The following ATP8A2 variants were observed in gnomAD, a reference collection of about 807,000 sequenced individuals.
ATP8A2 encodes the protein phospholipid-transporting ATPase IB.
In ATP8A2, 100 loss-of-function variants were observed where a neutral mutation model predicts 165.6. That is an observed-to-expected ratio of 0.60 (90% CI 0.51 to 0.71). The LOEUF (loss-of-function observed/expected upper bound fraction) is 0.71, where lower values mean the gene tolerates loss of function less well. Ranked by LOEUF, ATP8A2 falls within the 30% of genes least tolerant of loss-of-function variation. The probability of loss-of-function intolerance (pLI) is 0.00; values close to 1 mark genes in which losing one functional copy is unlikely to be tolerated. For missense variants in ATP8A2, 1,227 were observed against 1,479.5 expected (o/e 0.83, Z 2.80); for synonymous variants, 543 against 548.8 (o/e 0.99, Z 0.15).
rs540547613 is a variant in ATP8A2 at position 25,769,557 on chromosome 13, G to T, written c.2568+328G>T. 1.2e-3 allele frequency among the ~76,000 whole-genome samples: 184 copies of T among 152,302 alleles called. 1 individual carries two copies. The highest frequency in any genetic ancestry group is 4.2e-3 in the African/African-American group (175 of 41,562). Reference sequence around the variant, plus strand: ...CCTTCAGCTTCTGCATCTGCTGCATGGCTTTTTCTGCTGCATTGCCTGCTG... The same window carrying T: ...CCTTCAGCTTCTGCATCTGCTGCATTGCTTTTTCTGCTGCATTGCCTGCTG... On this transcript the variant is annotated intron_variant, in intron 26 of 36. Transcript: ENST00000381655.
chr13:25,882,084 C>T (rs951168085), intron 33 of ATP8A2, among the ~76,000 whole-genome samples: 4 of 152,118 alleles, frequency 2.6e-5, no homozygotes, highest in East Asian at 1.9e-4. Flanking sequence ...TGTAAATAAA[C>T]GCTGGCAGCT....
intron 33 of ATP8A2, among the ~76,000 whole-genome samples, chr13:25,898,312 G>A (rs1953625653): frequency 6.6e-6 from 1 of 152,186 alleles, no homozygotes; most frequent in Non-Finnish European, 1.5e-5. Context: ...GTTTGCCTAC[G>A]TATCAGCAGC....
At chr13:25,677,779 C>T (rs1430345775) in intron 24 of ATP8A2, among the ~76,000 whole-genome samples, 4 of 152,074 alleles carry the variant, frequency 2.6e-5, no homozygotes, top group African/African-American at 4.8e-5. Context: ...TCTCCTTTGT[C>T]CTCAAAAAGA....
intron 2 of ATP8A2, among the ~76,000 whole-genome samples, chr13:25,518,220 T>A (rs2037541585): frequency 6.6e-6 from 1 of 152,208 alleles, no homozygotes; most frequent in Admixed American, 6.5e-5. Context: ...CAACTTCCAA[T>A]CATCTAGAAC....
intron 2 of ATP8A2, among the ~76,000 whole-genome samples, chr13:25,474,581 AAAG>A (rs1005994615): frequency 1.3e-5 from 2 of 152,030 alleles, no homozygotes; most frequent in African/African-American, 4.8e-5. Flanking sequence ...AAAAAAAAAA[AAAG>A]AATATTACCT....
At chr13:25,529,853 A>G (rs566291914) in intron 2 of ATP8A2, 146 bp from the exon 3 acceptor site, 1 of 547,200 alleles carries the variant, frequency 1.8e-6, no homozygotes, top group South Asian at 2.7e-5. Context: ...GCTCTTTAGG[A>G]GAAGATACAC....
intron 25 of ATP8A2, among the ~76,000 whole-genome samples, chr13:25,700,253 G>A (rs989802875): frequency 6.6e-6 from 1 of 152,066 alleles, no homozygotes; most frequent in Non-Finnish European, 1.5e-5. Flanking sequence ...TCTTTTCCTC[G>A]AATAGCTTGA....
rs764956567 is a variant in ATP8A2 at position 25,579,801 on chromosome 13, C to CT, written c.1868-5dup. 4.6e-4 allele frequency: 734 copies of CT among 1,600,738 alleles called. No homozygotes were observed. The highest frequency in any genetic ancestry group is 5.9e-4 in the Non-Finnish European group (688 of 1,173,088). The stretch of plus-strand genomic sequence containing the variant: ...CCTGCCTCCATTCACCAGTGGCTGT[C>CT]TTGCAGGCTTGCGGACTCTCTGTGT... On this transcript the variant is annotated splice_polypyrimidine_tract_variant and splice_region_variant and intron_variant, in intron 21 of 36. Coordinates refer to ENST00000381655, the MANE Select transcript of ATP8A2 (RefSeq NM_016529.6).
At position 26,012,625 on chromosome 13, in the gene ATP8A2, G is replaced by A. The variant is rs1427878622; in HGVS notation, c.3469+3G>A. On this transcript the variant is annotated splice_donor_region_variant and intron_variant, in intron 36 of 36. Transcript: ENST00000381655. ...CTCCCTGCAGCAGGGCGTCCCGCGT[G>A]AGTACCGCGGGCGGGGGCTGATGGA... is the stretch of plus-strand genomic sequence containing the variant. The A allele has an allele frequency of 6.8e-7, 1 of 1,480,846 alleles. No homozygotes were observed. The highest frequency in any genetic ancestry group is 9.0e-7 in the Non-Finnish European group (1 of 1,115,240). 91.7% of individuals were successfully genotyped at this position (1,480,846 alleles called of 1,614,324 possible).
intron 23 of ATP8A2, among the ~76,000 whole-genome samples, chr13:25,588,617 G>A (rs750728254): frequency 3.9e-5 from 6 of 152,346 alleles, no homozygotes; most frequent in South Asian, 4.1e-4. Context: ...GCTGTTGATT[G>A]ATTTCCCTTT....
chr13:25,731,347 A>C (rs1214592406), intron 25 of ATP8A2, among the ~76,000 whole-genome samples: 2 of 126,876 alleles, frequency 1.6e-5, no homozygotes, highest in Admixed American at 7.8e-5. Context: ...GGAAAGAAGA[A>C]AGAAGGAAAG....
At chr13:25,588,952 T>G (rs2039996186) in intron 23 of ATP8A2, among the ~76,000 whole-genome samples, 1 of 152,054 alleles carries the variant, frequency 6.6e-6, no homozygotes, top group Admixed American at 6.6e-5. Context: ...GGGCAAAGTA[T>G]GAGTAGGAAA....
At chr13:25,491,996 CTCTT>C (rs998026721) in intron 2 of ATP8A2, among the ~76,000 whole-genome samples, 51 of 152,220 alleles carry the variant, frequency 3.4e-4, no homozygotes, top group Non-Finnish European at 7.1e-4. Context: ...GTGCTTTATT[CTCTT>C]TTTTTTGGAC....
chr13:25,464,362 C>T (rs978389789), intron 1 of ATP8A2, among the ~76,000 whole-genome samples: 3 of 149,636 alleles, frequency 2.0e-5, no homozygotes, highest in Non-Finnish European at 3.0e-5. Flanking sequence ...AGTGGTGGCT[C>T]ATGGAACCCA....
chr13:25,767,718 A>C (rs2044520512), intron 25 of ATP8A2, among the ~76,000 whole-genome samples: 1 of 152,250 alleles, frequency 6.6e-6, no homozygotes, highest in Non-Finnish European at 1.5e-5. Flanking sequence ...AAGGGATATC[A>C]GATTGTGCAA....
intron 29 of ATP8A2, among the ~76,000 whole-genome samples, chr13:25,838,957 A>G (rs759019745): frequency 1.3e-5 from 2 of 152,218 alleles, no homozygotes; most frequent in Non-Finnish European, 2.9e-5. Context: ...CTGACCTTTA[A>G]ACATTAAAAT....
chr13:25,908,501 A>G (rs1954012813), intron 33 of ATP8A2, among the ~76,000 whole-genome samples: 2 of 152,222 alleles, frequency 1.3e-5, no homozygotes, highest in African/African-American at 4.8e-5. Flanking sequence ...GGGTGTCCAC[A>G]AGGCCTCAGG....
chr13:25,706,116 A>G (rs2137953034), intron 25 of ATP8A2, among the ~76,000 whole-genome samples: 1 of 152,352 alleles, frequency 6.6e-6, no homozygotes, highest in East Asian at 1.9e-4. Context: ...AGAGATGACT[A>G]GTAGCTTAGT....
At position 25,764,633 on chromosome 13, in the gene ATP8A2, C is replaced by G. The variant is rs564926413; in HGVS notation, c.2385-4413C>G. Among the ~76,000 whole-genome samples the G allele has an allele frequency of 2.8e-4, 42 of 152,332 alleles. 1 individual carries two copies. In the South Asian group the frequency reaches 8.5e-3, roughly 31 times the overall value. On this transcript the variant is annotated intron_variant, in intron 25 of 36. Coordinates refer to ENST00000381655, the MANE Select transcript of ATP8A2 (RefSeq NM_016529.6). The stretch of plus-strand genomic sequence containing the variant: ...CAGAGGCTGTACCTTGACAATCCCT[C>G]TGGGTGATTCCGATGCTCACTTAAA...
Sources: allele counts gnomAD v4.1 joint callset (sites outside exome capture counted in the v4.1 genomes callset), GRCh38; gene constraint gnomAD v4.1.1; transcripts MANE v1.5; gene names NCBI Gene and HGNC (gene_info 2026-07-23, HGNC 2026-07-21).